The following STIM2 variants were observed in gnomAD, a reference collection of about 807,000 sequenced individuals.
STIM2 encodes the protein stromal interaction molecule 2.
Under a neutral mutation model 85.8 loss-of-function variants are expected in STIM2, and 31 were observed. The observed-to-expected ratio is 0.36, with a 90% CI of 0.27 to 0.49. STIM2 has a LOEUF of 0.49. STIM2 is among the 20% of genes least tolerant of loss of function. STIM2 has a pLI of 0.98. For synonymous variants in STIM2, 356 were observed against 331.1 expected (o/e 1.08, Z -0.82); for missense variants, 841 against 927.6 (o/e 0.91, Z 1.21).
At chr4:26,908,430 C>CT (rs1724209591) in intron 1 of STIM2, among the ~76,000 whole-genome samples, 1 of 152,168 alleles carries the variant, frequency 6.6e-6, no homozygotes, top group Non-Finnish European at 1.5e-5. Context: ...TAGTATGAGA[C>CT]TAACACAGCA....
At chr4:26,930,845 A>G (rs1725182906) in intron 2 of STIM2, among the ~76,000 whole-genome samples, 1 of 152,170 alleles carries the variant, frequency 6.6e-6, no homozygotes. Flanking sequence ...GTTTATTGCT[A>G]TGTAACAAAT....
At chr4:26,895,829 T>TA (rs1723678010) in intron 1 of STIM2, among the ~76,000 whole-genome samples, 1 of 152,240 alleles carries the variant, frequency 6.6e-6, no homozygotes, top group Non-Finnish European at 1.5e-5. Context: ...ATTCTCTTTG[T>TA]AAGGGTGTTT....
At chr4:26,979,815 G>A (rs1223225909) in intron 3 of STIM2, among the ~76,000 whole-genome samples, 1 of 152,186 alleles carries the variant, frequency 6.6e-6, no homozygotes, top group Admixed American at 6.5e-5. Context: ...ATGAGAAATG[G>A]TAGTTTTATA....
chr4:27,021,007 C>T (rs1479214602), intron 11 of STIM2: 3 of 1,536,858 alleles, frequency 2.0e-6, no homozygotes, highest in South Asian at 2.4e-5. Flanking sequence ...ACAGTATTCA[C>T]CTTGGGCTCG....
At chr4:27,018,239 C>T (rs573419610) in intron 11 of STIM2, among the ~76,000 whole-genome samples, 5 of 152,312 alleles carry the variant, frequency 3.3e-5, no homozygotes, top group African/African-American at 1.2e-4. Flanking sequence ...GCTGCATTCT[C>T]ATCTGGAGCT....
chr4:26,995,547 T>A lies in STIM2; in HGVS notation c.509+57T>A, dbSNP rs144561542. The A allele has an allele frequency of 4.5e-6, 5 of 1,111,686 alleles. No homozygotes were observed. The South Asian group carries it at 8.0e-5, about 18-fold the overall frequency. 68.9% of individuals were successfully genotyped at this position (1,111,686 alleles called of 1,614,324 possible). A position where few individuals can be genotyped will look rare whatever the true frequency, so the allele number is the denominator to read the frequency against. ...CTCAGGGAGAATTATATGCTAGATGTCATTTCCCCATACTGAATCTACAAG... is the reference window on the plus strand; with the variant it reads ...CTCAGGGAGAATTATATGCTAGATGACATTTCCCCATACTGAATCTACAAG... On this transcript the variant is annotated intron_variant, in intron 4 of 11. Transcript: ENST00000467087.
At chr4:26,982,733 AC>A (rs919422021) in intron 3 of STIM2, among the ~76,000 whole-genome samples, 1 of 152,162 alleles carries the variant, frequency 6.6e-6, no homozygotes, top group African/African-American at 2.4e-5. Flanking sequence ...TTGTTCCCAG[AC>A]CTCAGTGGAC....
intron 10 of STIM2, among the ~76,000 whole-genome samples, chr4:27,013,670 CTT>C (rs1560240625): frequency 6.6e-6 from 1 of 151,976 alleles, no homozygotes; most frequent in Non-Finnish European, 1.5e-5. Context: ...TTTCAGCTTC[CTT>C]TTCTGTGAAA....
intron 1 of STIM2, among the ~76,000 whole-genome samples, chr4:26,916,319 C>T (rs187035671): frequency 4.6e-5 from 7 of 152,254 alleles, no homozygotes; most frequent in Admixed American, 4.6e-4. Flanking sequence ...CCTGTCTTTC[C>T]TCTGCTGCTC....
At chr4:26,981,204 T>C (rs974982055) in intron 3 of STIM2, among the ~76,000 whole-genome samples, 1 of 152,170 alleles carries the variant, frequency 6.6e-6, no homozygotes, top group Non-Finnish European at 1.5e-5. Flanking sequence ...CTTTCCCTAT[T>C]TGTGAAATCT....
intron 3 of STIM2, among the ~76,000 whole-genome samples, chr4:26,971,464 C>T (rs1726948056): frequency 6.6e-6 from 1 of 152,198 alleles, no homozygotes; most frequent in Non-Finnish European, 1.5e-5. Context: ...CTACATATAG[C>T]TAGCCAGTTT....
chr4:26,930,323 A>G (rs936870475), intron 2 of STIM2, among the ~76,000 whole-genome samples: 5 of 152,170 alleles, frequency 3.3e-5, no homozygotes, highest in African/African-American at 1.2e-4. Context: ...GTTTTATCAT[A>G]GATTCTAGTG....
At chr4:26,907,001 TG>T (rs1724154932) in intron 1 of STIM2, among the ~76,000 whole-genome samples, 1 of 151,764 alleles carries the variant, frequency 6.6e-6, no homozygotes, top group Admixed American at 6.6e-5. Context: ...CAGAAAACAT[TG>T]CATGTGCTTT....
rs185226881 is a variant in STIM2, at chr4:27,003,115, T to G, written c.981+11T>G. The G allele has an allele frequency of 7.8e-4, 1,073 of 1,384,282 alleles. 9 individuals are homozygous for G. The African/African-American group carries it at 0.015, about 19-fold the overall frequency. The allele number at this position is 1,384,282 out of a possible 1,614,324, so 85.7% of individuals were successfully genotyped here. A position where few individuals can be genotyped will look rare whatever the true frequency, so the allele number is the denominator to read the frequency against. ...CAGGAATTGGAACAGGTATTTACAT[T>G]AAAAAAAAAATCACTTGTAAAGATG... On this transcript the variant is annotated intron_variant, in intron 7 of 11. Transcript: ENST00000467087.
intron 2 of STIM2, among the ~76,000 whole-genome samples, chr4:26,921,852 A>G (rs1724810091): frequency 6.6e-6 from 1 of 152,232 alleles, no homozygotes; most frequent in African/African-American, 2.4e-5. Flanking sequence ...CTTCAGTCTT[A>G]TAATATCTCT....
At chr4:27,001,823 C>T (rs777095017) in intron 5 of STIM2, among the ~76,000 whole-genome samples, 1 of 152,160 alleles carries the variant, frequency 6.6e-6, no homozygotes, top group Non-Finnish European at 1.5e-5. Flanking sequence ...TGACAGCTGC[C>T]TAGCTTGACT....
intron 3 of STIM2, among the ~76,000 whole-genome samples, chr4:26,979,109 A>G (rs1203750031): frequency 6.6e-6 from 1 of 152,182 alleles, no homozygotes; most frequent in Non-Finnish European, 1.5e-5. Context: ...AACTCTCACC[A>G]CTGAAAACTT....
chr4:26,886,982 A>G (rs1053784704), intron 1 of STIM2, among the ~76,000 whole-genome samples: 6 of 152,060 alleles, frequency 3.9e-5, no homozygotes, highest in Admixed American at 3.9e-4. Flanking sequence ...CTATATGTGG[A>G]TGCTAAATAC....
intron 3 of STIM2, among the ~76,000 whole-genome samples, chr4:26,970,237 ATATATATATG>A (rs1185273068): frequency 0.014 from 379 of 26,482 alleles, 7 homozygotes; most frequent in African/African-American, 0.027. Flanking sequence ...ATATATATAT[ATATATATATG>A]TATGTATTTT....
Sources: allele counts gnomAD v4.1 joint callset (sites outside exome capture counted in the v4.1 genomes callset), GRCh38; gene constraint gnomAD v4.1.1; transcripts MANE v1.5; gene names NCBI Gene and HGNC (gene_info 2026-07-23, HGNC 2026-07-21).